Variants in RNGTT observed in about 807,000 individuals in gnomAD.
RNGTT encodes the protein RNA guanylyltransferase and 5'-phosphatase.
A neutral mutation model predicts 79.3 loss-of-function variants in RNGTT; 33 were observed. The observed-to-expected ratio is 0.42, with a 90% CI of 0.32 to 0.56. The LOEUF is 0.56. Ranked by LOEUF, RNGTT falls within the 20% of genes least tolerant of loss-of-function variation. RNGTT has a pLI of 0.17. For synonymous variants in RNGTT, 222 were observed against 235.9 expected, an observed-to-expected ratio of 0.94 and a Z score of 0.54; for missense variants, 497 against 739.1, an observed-to-expected ratio of 0.67 and a Z score of 3.80.
intron 8 of RNGTT, among the ~76,000 whole-genome samples, chr6:88,859,338 C>T (rs957285060): frequency 6.6e-6 from 1 of 152,174 alleles, no homozygotes; most frequent in East Asian, 1.9e-4. Context: ...AAGCTGAGAA[C>T]ATAGAACAGG....
At chr6:88,946,625 G>GCTCTCC (rs112379823) in intron 1 of RNGTT, among the ~76,000 whole-genome samples, 2,874 of 149,790 alleles carry the variant, frequency 0.019, 86 homozygotes, top group African/African-American at 0.066. Context: ...CTCGACAGCA[G>GCTCTCC]CTCTCCCTCT....
intron 11 of RNGTT, among the ~76,000 whole-genome samples, chr6:88,817,351 C>G (rs923078069): frequency 2.0e-5 from 3 of 151,774 alleles, no homozygotes; most frequent in African/African-American, 7.3e-5. Context: ...TCATCCTACC[C>G]AAAATGTGGC....
chr6:88,940,194 C>T (rs1321991334), intron 2 of RNGTT, among the ~76,000 whole-genome samples: 3 of 151,916 alleles, frequency 2.0e-5, no homozygotes, highest in African/African-American at 7.3e-5. Context: ...TCTTGTGCCT[C>T]AGCCTCCCGA....
chr6:88,909,857 C>T (rs985557151), intron 4 of RNGTT, among the ~76,000 whole-genome samples: 1 of 152,058 alleles, frequency 6.6e-6, no homozygotes, highest in African/African-American at 2.4e-5. Context: ...AACCTATCTA[C>T]AACCAAGGAA....
chr6:88,928,088 T>C (rs1784379293), intron 4 of RNGTT, among the ~76,000 whole-genome samples: 1 of 152,022 alleles, frequency 6.6e-6, no homozygotes, highest in South Asian at 2.1e-4. Flanking sequence ...GGTGTGTGCC[T>C]GTAATCCCAG....
chr6:88,890,382 T>G (rs1783004854), intron 8 of RNGTT, 113 bp downstream of exon 8: 6 of 661,426 alleles, frequency 9.1e-6, no homozygotes, highest in Non-Finnish European at 1.3e-5. Context: ...ACATTTATTT[T>G]GCTATTCACA....
intron 11 of RNGTT, among the ~76,000 whole-genome samples, chr6:88,802,984 G>A (rs1779837711): frequency 6.6e-6 from 1 of 152,130 alleles, no homozygotes; most frequent in Non-Finnish European, 1.5e-5. Flanking sequence ...ACTCTTGAAA[G>A]CACTATGCTT....
At chr6:88,613,588 ATCC>A (rs1562148983) in intron 15 of RNGTT, among the ~76,000 whole-genome samples, 1 of 152,184 alleles carries the variant, frequency 6.6e-6, no homozygotes, top group African/African-American at 2.4e-5. Context: ...CATCATCATC[ATCC>A]TCCTCATCAA....
chr6:88,775,577 C>CA (rs1225816877), intron 12 of RNGTT, among the ~76,000 whole-genome samples: 1 of 152,124 alleles, frequency 6.6e-6, no homozygotes, highest in Non-Finnish European at 1.5e-5. Flanking sequence ...TTAGAACTGA[C>CA]AGAGTAATTT....
chr6:88,898,547 T>C (rs1783329755), intron 6 of RNGTT, among the ~76,000 whole-genome samples: 1 of 151,876 alleles, frequency 6.6e-6, no homozygotes, highest in African/African-American at 2.4e-5. Flanking sequence ...TAAAGAAAGG[T>C]TCTATTTGCT....
intron 13 of RNGTT, among the ~76,000 whole-genome samples, chr6:88,702,013 G>T (rs925546240): frequency 6.6e-6 from 1 of 152,002 alleles, no homozygotes; most frequent in African/African-American, 2.4e-5. Flanking sequence ...TAACTAAGGA[G>T]GTGACAGGTC....
At chr6:88,703,073 G>A (rs1334942745) in intron 13 of RNGTT, among the ~76,000 whole-genome samples, 1 of 152,174 alleles carries the variant, frequency 6.6e-6, no homozygotes, top group African/African-American at 2.4e-5. Context: ...CAAGTCTATG[G>A]AGAAAAGGAA....
At chr6:88,948,498 G>GC (rs1785109355) in intron 1 of RNGTT, among the ~76,000 whole-genome samples, 2 of 138,476 alleles carry the variant, frequency 1.4e-5, no homozygotes, top group South Asian at 2.4e-4. Context: ...GGGGGGGTCA[G>GC]CCCCCCGCCC....
rs9451099 is a variant in RNGTT, at chr6:88,893,228, T to G, written c.685-1313A>C. ...ATTTCAATATCCTTAAAAAATTGTT[T>G]CTTATGCTAATTAAAAAAGAACACT... On this transcript the variant is annotated intron_variant, in intron 6 of 15. Transcript: ENST00000369485. Among the ~76,000 whole-genome samples the G allele has an allele frequency of 7.8e-3, 1,194 of 152,226 alleles. 8 individuals carry two copies. The highest frequency in any genetic ancestry group is 0.027 in the African/African-American group (1,105 of 41,562).
At position 88,929,276 on chromosome 6, in the gene RNGTT, A is replaced by T; in HGVS notation, c.175-9T>A. On this transcript the variant is annotated splice_polypyrimidine_tract_variant and intron_variant, in intron 2 of 15. Transcript: ENST00000369485. ...AACAAGCCCATTTTAACCTAAAAAAAAAAAAAAATGAAAGGGCAAATTTAC... is the reference window on the plus strand; with the variant it reads ...AACAAGCCCATTTTAACCTAAAAAATAAAAAAAATGAAAGGGCAAATTTAC... 1.3e-6 allele frequency: 2 copies of T among 1,571,358 alleles called. No individual in the cohort carries two copies. Among genetic ancestry groups the T allele is most frequent in the Non-Finnish European group, 1.7e-6 (2 of 1,159,514 alleles).
intron 12 of RNGTT, among the ~76,000 whole-genome samples, chr6:88,778,554 G>C (rs1290003541): frequency 1.3e-5 from 2 of 152,232 alleles, no homozygotes; most frequent in East Asian, 3.9e-4. Context: ...ATTCACAGGT[G>C]CAGTCACAGC....
chr6:88,710,615 G>C (rs1032447519), intron 13 of RNGTT, among the ~76,000 whole-genome samples: 1 of 152,060 alleles, frequency 6.6e-6, no homozygotes, highest in Non-Finnish European at 1.5e-5. Flanking sequence ...CTGGTAAATA[G>C]AGTTCTAGAA....
chr6:88,659,379 T>C (rs1318884554), intron 14 of RNGTT, among the ~76,000 whole-genome samples: 1 of 152,100 alleles, frequency 6.6e-6, no homozygotes, highest in African/African-American at 2.4e-5. Flanking sequence ...AAAAATCAAC[T>C]TAAAGAAATT....
chr6:88,736,859 A>T (rs1173358253), intron 13 of RNGTT, among the ~76,000 whole-genome samples: 1 of 152,204 alleles, frequency 6.6e-6, no homozygotes, highest in Admixed American at 6.5e-5. Context: ...ATCCTTCAAG[A>T]AAAAGTAACA....
Sources: gnomAD v4.1 joint callset for allele counts (sites outside exome capture counted in the v4.1 genomes callset) on GRCh38, gnomAD v4.1.1 for gene constraint, MANE v1.5 for transcripts, NCBI Gene and HGNC (gene_info 2026-07-23, HGNC 2026-07-21) for gene names.